OTOF: variants seen among roughly 807,000 people sequenced by gnomAD.
The protein encoded by OTOF is fer-1-like family member 2.
OTOF carries 218 observed loss-of-function variants against 236.8 expected under a neutral mutation model. The observed-to-expected ratio is 0.92, with a 90% confidence interval of 0.82 to 1.03. The LOEUF (loss-of-function observed/expected upper bound fraction) is 1.03, where lower values mean the gene tolerates loss of function less well. Among genes scored for constraint, OTOF ranks in the 50% least tolerant of loss-of-function variants. The probability of loss-of-function intolerance (pLI) is 0.00; values close to 1 mark genes in which losing one functional copy is unlikely to be tolerated. For synonymous variants in OTOF, 1,041 were observed against 1,072.5 expected, an observed-to-expected ratio of 0.97 and a Z score of 0.57; for missense variants, 2,590 against 2,694.4, an observed-to-expected ratio of 0.96 and a Z score of 0.86.
In OTOF at chr2:26,518,996, T is replaced by TG. The variant is rs35090982; in HGVS notation, c.327+13dup. 6.3e-7 allele frequency: 1 copy of TG among 1,586,440 alleles called. No homozygotes were observed. The highest frequency in any genetic ancestry group is 8.6e-7 in the Non-Finnish European group (1 of 1,158,688). On this transcript the variant is annotated intron_variant, in intron 4 of 46. Transcript: ENST00000272371. ...CATATGGGAAAGTCCAGGAACTCCG[T>TG]GGGGCATACCCACCTTGATGATAGC... is the stretch of plus-strand genomic sequence containing the variant.
chr2:26,528,753 C>G (rs943172958), intron 2 of OTOF, among the ~76,000 whole-genome samples: 1 of 152,240 alleles, frequency 6.6e-6, no homozygotes, highest in Non-Finnish European at 1.5e-5. Flanking sequence ...CTCCAACCAT[C>G]ACCCAGCCCA....
chr2:26,486,756 C>T (rs746933984), intron 11 of OTOF, among the ~76,000 whole-genome samples: 12 of 152,138 alleles, frequency 7.9e-5, no homozygotes, highest in East Asian at 1.9e-4. Flanking sequence ...GGGGTCCCTA[C>T]ATCAGGTTAA....
At chr2:26,490,328 A>T (rs1665809148) in intron 9 of OTOF, among the ~76,000 whole-genome samples, 1 of 152,262 alleles carries the variant, frequency 6.6e-6, no homozygotes, top group Non-Finnish European at 1.5e-5. Flanking sequence ...CAGAGAGGTG[A>T]AACTGTAAAA....
intron 8 of OTOF, among the ~76,000 whole-genome samples, chr2:26,499,656 C>T (rs535474307): frequency 1.6e-4 from 24 of 152,058 alleles, no homozygotes; most frequent in Non-Finnish European, 2.2e-4. Context: ...TACAGGTATG[C>T]GCCACCACCA....
chr2:26,489,703 A>C lies in OTOF; in HGVS notation c.935T>G (p.Met312Arg). 6.2e-7 allele frequency: 1 copy of C among 1,613,066 alleles called. No homozygotes were observed. Among genetic ancestry groups the C allele is most frequent in the Non-Finnish European group, 8.5e-7 (1 of 1,179,936 alleles). ...CGAAATCTTGATGATCTTGTCAAAC[A>C]TGACATCCGGAGAGACATGGAAGTC... ...VFDFHVSPDVMFDKIIKISVI... is the reference protein window; with the variant it reads ...VFDFHVSPDVRFDKIIKISVI... The change falls in exon 10 of 47, where the codon ATG (methionine) becomes AGG (arginine). Residue 312 changes from methionine to arginine, a missense_variant. This residue lies in a region of OTOF where 1,379 missense variants were observed against 1,341.6 expected (regional missense o/e 1.03). Coordinates refer to ENST00000272371, the MANE Select transcript of OTOF (RefSeq NM_194248.3).
At position 26,475,492 on chromosome 2, in the gene OTOF, A is replaced by T; in HGVS notation, c.2993T>A (p.Val998Glu). 2 of 1,612,192 alleles carry T rather than the reference A, an allele frequency of 1.2e-6. No homozygotes were observed. The highest frequency in any genetic ancestry group is 1.7e-6 in the Non-Finnish European group (2 of 1,179,576). Residue 998 changes from valine to glutamate, a missense_variant and splice_region_variant, in exon 25 of 47, where the codon GTG (valine) becomes GAG (glutamate). By Grantham distance (121) the Val-to-Glu change is moderately radical. Transcript: ENST00000272371. ...GGTGGGACACAGGGTCTCATTCAGC[A>T]CCTGCAGCATGGGATGGGGAGACAG... The part of the protein sequence containing the change: ...FFINQSQCTE[V>E]LNETLCPTWD...
In OTOF at chr2:26,537,499, G is replaced by T. The variant is rs576402369; in HGVS notation, c.138+217C>A. On this transcript the variant is annotated intron_variant, in intron 2 of 46. Transcript: ENST00000272371. ...TGTTCCCCGTGTCATTTGCACACGG[G>T]CCTCACCTGTGCAGAGGTTTCTGGG... Among the ~76,000 whole-genome samples the T allele has an allele frequency of 4.6e-5, 7 of 152,354 alleles. No homozygotes were observed. The East Asian group carries it at 1.2e-3, about 25-fold the overall frequency.
intron 38 of OTOF, 99 bp downstream of exon 38, chr2:26,465,573 C>T (rs1262328236): frequency 7.4e-7 from 1 of 1,347,488 alleles, no homozygotes; most frequent in Non-Finnish European, 1.1e-6. Context: ...ACAGAAACCA[C>T]AATGTCTAAC....
intron 1 of OTOF, among the ~76,000 whole-genome samples, chr2:26,545,756 C>T (rs913512236): frequency 2.0e-5 from 3 of 151,972 alleles, no homozygotes; most frequent in African/African-American, 7.3e-5. Context: ...TTCATTTTTT[C>T]TCCATATAGA....
rs543123661 is a variant in OTOF at position 26,468,367 on chromosome 2, G to A, written c.4090+41C>T. 3.3e-6 allele frequency: 5 copies of A among 1,513,042 alleles called. No homozygotes were observed. The East Asian group carries it at 9.0e-5, about 27-fold the overall frequency. 93.7% of individuals were successfully genotyped at this position (1,513,042 alleles called of 1,614,324 possible). ...TGGGCAGGAGAGCTGACCACCCAGG[G>A]GCGGGGAGGAGGAGGCAGAGTTCCA... On this transcript the variant is annotated intron_variant, in intron 33 of 46. Transcript: ENST00000272371.
chr2:26,552,091 TAA>T (rs70950198), intron 1 of OTOF, among the ~76,000 whole-genome samples: 1,571 of 141,174 alleles, frequency 0.011, 32 homozygotes, highest in African/African-American at 0.039. Flanking sequence ...TATAAAAAGT[TAA>T]AAAAAAAAAA....
chr2:26,555,911 G>A (rs889046966), intron 1 of OTOF, among the ~76,000 whole-genome samples: 1 of 152,234 alleles, frequency 6.6e-6, no homozygotes, highest in African/African-American at 2.4e-5. Context: ...CTAGTGAAGT[G>A]AGTGTTATTA....
chr2:26,518,047 C>T (rs1666579669), intron 4 of OTOF, among the ~76,000 whole-genome samples: 1 of 152,198 alleles, frequency 6.6e-6, no homozygotes, highest in South Asian at 2.1e-4. Context: ...CTCCCTGCCA[C>T]CCCTGCCCAT....
chr2:26,461,008 G>T lies in OTOF; in HGVS notation c.5556C>A (p.Asn1852Lys). ...DFLGAIELDL[N>K]RFPRGAKTAK... The stretch of plus-strand genomic sequence containing the variant: ...CTGTCTTTGCGCCCCGCGGGAACCG[G>T]TTCAGGTCCAGCTCGATGGCCCCTG... Residue 1852 changes from asparagine (N) to lysine (K), a missense_variant, in exon 44 of 47, where the codon AAC becomes AAA. Transcript: ENST00000272371. This position sits in a 1 kb window ranked among gnomAD's most constrained non-coding sequence, Gnocchi z 6.2. The T allele has an allele frequency of 6.8e-7, 1 of 1,471,826 alleles. No individual in the cohort carries two copies. The highest frequency in any genetic ancestry group is 9.2e-7 in the Non-Finnish European group (1 of 1,089,534). The allele number at this position is 1,471,826 out of a possible 1,614,324, so 91.2% of individuals were successfully genotyped here. A position where few individuals can be genotyped will look rare whatever the true frequency, so the allele number is the denominator to read the frequency against.
intron 8 of OTOF, among the ~76,000 whole-genome samples, chr2:26,497,578 CCTGAGGGTGATTAAAAAT>C (rs974818344): frequency 6.6e-5 from 10 of 151,324 alleles, no homozygotes; most frequent in Middle Eastern, 6.8e-3. Flanking sequence ...TGAAAAATAA[CCTGAGGGTGATTAAAAAT>C]CTACACATCA....
rs564169177 is a variant in OTOF at position 26,480,892 on chromosome 2, C to T, written c.1697G>A (p.Arg566Gln). The change falls in exon 15 of 47, where the codon CGG becomes CAG. Residue 566 changes from arginine to glutamine, a missense_variant. By Grantham distance (43) the Arg-to-Gln change is conservative (BLOSUM62 1). Coordinates refer to ENST00000272371, the MANE Select transcript of OTOF (RefSeq NM_194248.3). ...NEGLGEGVSF[R>Q]ARLLLGLAVE... Reference sequence around the variant, plus strand: ...AGCCAGGCCCAGCAGGAGCCGGGCCCGGAAGGACACACCCTCCCCCAGGCC... The same window carrying T: ...AGCCAGGCCCAGCAGGAGCCGGGCCTGGAAGGACACACCCTCCCCCAGGCC... 137 of 1,612,930 alleles carry T rather than the reference C, an allele frequency of 8.5e-5. No individual in the cohort carries two copies. The highest frequency in any genetic ancestry group is 1.6e-4 in the Middle Eastern group (1 of 6,062).
chr2:26,539,177 C>T (rs1043562112), intron 1 of OTOF, among the ~76,000 whole-genome samples: 3 of 151,970 alleles, frequency 2.0e-5, no homozygotes, highest in Non-Finnish European at 4.4e-5. Flanking sequence ...AGTAATGGTA[C>T]AGAGAAGGGA....
At chr2:26,501,532 T>C (rs1666115377) in intron 8 of OTOF, among the ~76,000 whole-genome samples, 1 of 152,240 alleles carries the variant, frequency 6.6e-6, no homozygotes, top group Non-Finnish European at 1.5e-5. Context: ...TTGATTAGCA[T>C]AGGCAGAGTT....
At chr2:26,484,682 G>A (rs377665014) in intron 11 of OTOF, 49 bp from the exon 12 acceptor site, 99 of 1,600,058 alleles carry the variant, frequency 6.2e-5, no homozygotes, top group East Asian at 6.7e-5. Context: ...CACCCAGAGC[G>A]TCTCCCAGTG....
Sources: gnomAD v4.1 joint callset for allele counts (sites outside exome capture counted in the v4.1 genomes callset) on GRCh38, gnomAD v4.1.1 for gene constraint, gnomAD v4.1.1 regional missense constraint, Gnocchi (gnomAD v3.1) non-coding constraint, MANE v1.5 for transcripts, NCBI Gene and HGNC (gene_info 2026-07-23, HGNC 2026-07-21) for gene names.